The following PPP2R3A variants were observed in gnomAD, a reference collection of about 807,000 sequenced individuals.
The protein encoded by PPP2R3A is protein phosphatase 2 regulatory subunit B''alpha, also known as serine/threonine-protein phosphatase 2A regulatory subunit B'' subunit alpha.
Under a neutral mutation model 106.9 loss-of-function variants are expected in PPP2R3A, and 80 were observed. The ratio of observed to expected loss-of-function variants is 0.75; its 90% confidence interval spans 0.62 to 0.90. The LOEUF (loss-of-function observed/expected upper bound fraction) is 0.90, where lower values mean the gene tolerates loss of function less well. Among genes scored for constraint, PPP2R3A ranks in the 40% least tolerant of loss-of-function variants. The probability of loss-of-function intolerance (pLI) is 0.00; values close to 1 mark genes in which losing one functional copy is unlikely to be tolerated. For synonymous variants in PPP2R3A, 483 were observed against 468.3 expected (o/e 1.03, Z -0.41); for missense variants, 1,386 against 1,350.4 (o/e 1.03, Z -0.41).
chr3:135,980,930 G>C (rs1343916671), intron 1 of PPP2R3A, among the ~76,000 whole-genome samples: 1 of 151,908 alleles, frequency 6.6e-6, no homozygotes, highest in Non-Finnish European at 1.5e-5. Context: ...CCAGGTGTAG[G>C]TGTACTGAAT....
At chr3:136,064,545 ACT>A (rs1226312897) in intron 5 of PPP2R3A, among the ~76,000 whole-genome samples, 4 of 152,068 alleles carry the variant, frequency 2.6e-5, no homozygotes, top group African/African-American at 9.7e-5. Context: ...GCTTAAGGAA[ACT>A]CGTCAAAGCT....
intron 7 of PPP2R3A, among the ~76,000 whole-genome samples, 183 bp from the exon 8 acceptor site, chr3:136,082,082 A>C (rs928209343): frequency 6.6e-6 from 1 of 152,216 alleles, no homozygotes; most frequent in African/African-American, 2.4e-5. Context: ...TACAGAGCTC[A>C]GTAAATGCTT....
intron 1 of PPP2R3A, among the ~76,000 whole-genome samples, chr3:135,988,840 A>C (rs1933037830): frequency 1.3e-5 from 2 of 152,132 alleles, no homozygotes; most frequent in Non-Finnish European, 2.9e-5. Flanking sequence ...GATTAATTAA[A>C]TATTTTTGGT....
chr3:136,030,211 C>T (rs1470632020), intron 3 of PPP2R3A, among the ~76,000 whole-genome samples: 1 of 142,042 alleles, frequency 7.0e-6, no homozygotes, highest in African/African-American at 2.8e-5. Context: ...GAGTGAGAAC[C>T]TGTCTCAATA....
intron 13 of PPP2R3A, among the ~76,000 whole-genome samples, chr3:136,109,083 G>A (rs933902757): frequency 3.3e-5 from 5 of 152,126 alleles, no homozygotes; most frequent in Admixed American, 1.3e-4. Flanking sequence ...ACAACTATGG[G>A]CATTAAAAGA....
At chr3:136,069,162 T>C (rs1025789421) in intron 5 of PPP2R3A, among the ~76,000 whole-genome samples, 3 of 152,254 alleles carry the variant, frequency 2.0e-5, no homozygotes, top group African/African-American at 7.2e-5. Context: ...ATCTTATCCA[T>C]GTTCATTTTC....
chr3:136,079,080 C>A, intron 7 of PPP2R3A: 1 of 384,420 alleles, frequency 2.6e-6, no homozygotes, highest in Non-Finnish European at 5.2e-6. Flanking sequence ...AAGAATCATA[C>A]TAAATGGAAT....
rs56962010 is a variant in PPP2R3A at position 136,010,417 on chromosome 3, A to ATTT, written c.1995+6949_1995+6951dup. Among the ~76,000 whole-genome samples the ATTT allele has an allele frequency of 1.3e-3, 65 of 51,000 alleles. 15 individuals carry two copies. Among genetic ancestry groups the ATTT allele is most frequent in the African/African-American group, 4.9e-3 (51 of 10,356 alleles). The allele number at this position is 51,000 out of a possible 152,430, so 33.5% of individuals were successfully genotyped here. A position where few individuals can be genotyped will look rare whatever the true frequency, so the allele number is the denominator to read the frequency against. On this transcript the variant is annotated intron_variant, in intron 2 of 13. Transcript: ENST00000264977. ...AGGCGCATGCCATCACGCTCGGCTAATTTTTTTTTTTTTTTTTTTTTTTTT... is the reference window on the plus strand; with the variant it reads ...AGGCGCATGCCATCACGCTCGGCTAATTTTTTTTTTTTTTTTTTTTTTTTTTTT...
At chr3:136,085,122 T>C (rs1176932870) in intron 8 of PPP2R3A, among the ~76,000 whole-genome samples, 2 of 152,210 alleles carry the variant, frequency 1.3e-5, no homozygotes, top group Non-Finnish European at 2.9e-5. Flanking sequence ...ATGGTTTGGC[T>C]GTGTCCCCAC....
chr3:136,023,130 C>A (rs1459860803), intron 2 of PPP2R3A: 1 of 1,613,476 alleles, frequency 6.2e-7, no homozygotes, highest in African/African-American at 1.3e-5. Flanking sequence ...GCTAGCTTTC[C>A]TGGCAAGGGG....
intron 3 of PPP2R3A, among the ~76,000 whole-genome samples, chr3:136,030,613 A>G (rs896543961): frequency 4.0e-5 from 6 of 151,762 alleles, no homozygotes; most frequent in Non-Finnish European, 5.9e-5. Flanking sequence ...TTGCATCCTC[A>G]TAGCTTAGCT....
At chr3:136,010,258 C>CTT (rs35997478) in intron 2 of PPP2R3A, among the ~76,000 whole-genome samples, 74 of 121,278 alleles carry the variant, frequency 6.1e-4, no homozygotes, top group African/African-American at 1.4e-3. Context: ...TTCTTTCTTT[C>CTT]TTTTTTTTTT....
chr3:136,094,246 G>C (rs764459401), intron 10 of PPP2R3A, among the ~76,000 whole-genome samples: 2 of 152,096 alleles, frequency 1.3e-5, no homozygotes, highest in Non-Finnish European at 2.9e-5. Flanking sequence ...AGTGCTAATG[G>C]GTATGGAGTC....
chr3:136,090,816 G>A (rs749133242), intron 10 of PPP2R3A, 149 bp downstream of exon 10: 22 of 603,168 alleles, frequency 3.6e-5, no homozygotes, highest in Non-Finnish European at 5.0e-5. Context: ...GGAGCTCTCC[G>A]TCTCAGGAGA....
At chr3:136,008,433 G>C (rs148157539) in intron 2 of PPP2R3A, among the ~76,000 whole-genome samples, 1 of 152,188 alleles carries the variant, frequency 6.6e-6, no homozygotes, top group Non-Finnish European at 1.5e-5. Context: ...TTTGTGGAAT[G>C]AGCCCAACCT....
At chr3:135,991,726 C>A (rs904512433) in intron 1 of PPP2R3A, among the ~76,000 whole-genome samples, 1 of 152,146 alleles carries the variant, frequency 6.6e-6, no homozygotes, top group Non-Finnish European at 1.5e-5. Context: ...AGATAAAATC[C>A]CTGTGAGGGA....
intron 13 of PPP2R3A, among the ~76,000 whole-genome samples, chr3:136,141,107 C>A (rs570866614): frequency 6.6e-6 from 1 of 152,266 alleles, no homozygotes; most frequent in South Asian, 2.1e-4. Flanking sequence ...AAAACGGACA[C>A]TTTACAATCA....
At chr3:136,134,586 G>C (rs1938535386) in intron 13 of PPP2R3A, among the ~76,000 whole-genome samples, 1 of 152,082 alleles carries the variant, frequency 6.6e-6, no homozygotes. Flanking sequence ...TACTTAAAAT[G>C]TGTGTATGTA....
At chr3:136,137,361 G>C (rs1938659483) in intron 13 of PPP2R3A, among the ~76,000 whole-genome samples, 1 of 151,936 alleles carries the variant, frequency 6.6e-6, no homozygotes, top group Admixed American at 6.6e-5. Context: ...TTTAACACTT[G>C]TTACTAATGT....
Sources: allele counts gnomAD v4.1 joint callset (sites outside exome capture counted in the v4.1 genomes callset), GRCh38; gene constraint gnomAD v4.1.1; transcripts MANE v1.5; gene names NCBI Gene and HGNC (gene_info 2026-07-23, HGNC 2026-07-21).